Variants in CAMTA1 observed in about 807,000 individuals in gnomAD.
CAMTA1 encodes calmodulin binding transcription activator 1, also known as calmodulin-binding transcription activator 1.
Under a neutral mutation model 170.9 loss-of-function variants are expected in CAMTA1, and 27 were observed. The observed-to-expected ratio is 0.16, with a 90% CI of 0.12 to 0.22. The LOEUF is 0.22. CAMTA1 is among the 10% of genes least tolerant of loss of function. CAMTA1 has a pLI of 1.00. For missense variants in CAMTA1, 1,619 were observed against 2,217.2 expected, an observed-to-expected ratio of 0.73 and a Z score of 5.42; for synonymous variants, 833 against 891.5, an observed-to-expected ratio of 0.93 and a Z score of 1.17.
chr1:7,687,263 C>T (rs546052340), intron 11 of CAMTA1, among the ~76,000 whole-genome samples: 82 of 151,464 alleles, frequency 5.4e-4, no homozygotes, highest in African/African-American at 2.0e-3. Flanking sequence ...GCCAGTGCAA[C>T]GGAGGGAAAC....
chr1:6,924,574 C>T (rs887851324), intron 3 of CAMTA1, among the ~76,000 whole-genome samples: 1 of 152,152 alleles, frequency 6.6e-6, no homozygotes, highest in Non-Finnish European at 1.5e-5. Flanking sequence ...GATCTGGGTC[C>T]CTGTGAGGAG....
At chr1:7,372,243 CCTT>C (rs372827182) in intron 5 of CAMTA1, among the ~76,000 whole-genome samples, 17 of 152,330 alleles carry the variant, frequency 1.1e-4, no homozygotes, top group East Asian at 9.6e-4. Context: ...AAGCTGCTCT[CCTT>C]CGTGCAATAT....
intron 1 of CAMTA1, among the ~76,000 whole-genome samples, chr1:6,796,919 A>G (rs1642663047): frequency 6.6e-6 from 1 of 152,024 alleles, no homozygotes; most frequent in Non-Finnish European, 1.5e-5. Flanking sequence ...TTCGTGGGGG[A>G]TTTGCTGACT....
chr1:6,785,589 C>G lies in CAMTA1; in HGVS notation c.45+14C>G, dbSNP rs1407490292. The G allele has an allele frequency of 7.7e-6, 8 of 1,036,206 alleles. No homozygotes were observed. In the Admixed American group the frequency reaches 2.5e-4, roughly 33 times the overall value. The allele number at this position is 1,036,206 out of a possible 1,614,324, so 64.2% of individuals were successfully genotyped here. On this transcript the variant is annotated intron_variant, in intron 1 of 22. Coordinates refer to ENST00000303635, the MANE Select transcript of CAMTA1 (RefSeq NM_015215.4). The stretch of plus-strand genomic sequence containing the variant: ...ACAAGCCGGAAGGTAAGAGCCGGAG[C>G]GCGAGGGGCTGGGGGGCGGCGCGGC...
intron 4 of CAMTA1, among the ~76,000 whole-genome samples, chr1:7,148,225 G>GCA (rs1293538651): frequency 1.4e-5 from 2 of 144,112 alleles, no homozygotes; most frequent in Non-Finnish European, 3.0e-5. Flanking sequence ...CATACATCAT[G>GCA]CACACACACA....
intron 3 of CAMTA1, among the ~76,000 whole-genome samples, chr1:6,892,957 AAAC>A (rs1212249827): frequency 6.6e-6 from 1 of 151,988 alleles, no homozygotes; most frequent in African/African-American, 2.4e-5. Flanking sequence ...AGAAATAAAG[AAAC>A]AGCCTCATTA....
At chr1:7,421,340 G>C (rs2091548004) in intron 5 of CAMTA1, among the ~76,000 whole-genome samples, 1 of 152,030 alleles carries the variant, frequency 6.6e-6, no homozygotes, top group South Asian at 2.1e-4. Context: ...TTTTAGTAGA[G>C]ACGGGGTCTT....
chr1:7,084,616 A>T (rs1054980733), intron 3 of CAMTA1, among the ~76,000 whole-genome samples: 6 of 152,196 alleles, frequency 3.9e-5, no homozygotes, highest in African/African-American at 1.4e-4. Context: ...CTCTCCTTGA[A>T]GCGTGTGCTA....
At chr1:6,935,080 G>T (rs1685080789) in intron 3 of CAMTA1, among the ~76,000 whole-genome samples, 1 of 152,178 alleles carries the variant, frequency 6.6e-6, no homozygotes, top group Non-Finnish European at 1.5e-5. Context: ...TTCATAAAAA[G>T]AAATTGTGGT....
At chr1:7,053,575 C>T (rs1397294356) in intron 3 of CAMTA1, among the ~76,000 whole-genome samples, 2 of 152,180 alleles carry the variant, frequency 1.3e-5, no homozygotes, top group Non-Finnish European at 2.9e-5. Context: ...CTCACTGTGA[C>T]AGGATCTGCA....
intron 6 of CAMTA1, among the ~76,000 whole-genome samples, chr1:7,506,609 C>A (rs1479756801): frequency 6.6e-6 from 1 of 151,810 alleles, no homozygotes; most frequent in African/African-American, 2.4e-5. Context: ...TCAAAAGTCA[C>A]ACTCTCATAC....
intron 5 of CAMTA1, among the ~76,000 whole-genome samples, chr1:7,424,469 G>T (rs377344622): frequency 6.6e-6 from 1 of 150,958 alleles, no homozygotes; most frequent in Non-Finnish European, 1.5e-5. Flanking sequence ...TGGGGGTGGG[G>T]GACAGCTAGG....
intron 4 of CAMTA1, among the ~76,000 whole-genome samples, chr1:7,230,435 C>CCG (rs1662538867): frequency 1.4e-5 from 1 of 72,850 alleles, no homozygotes; most frequent in African/African-American, 6.7e-5. Flanking sequence ...TGGGCTGACC[C>CCG]CCCCCCCCCG....
At chr1:6,866,433 T>C (rs1235640788) in intron 3 of CAMTA1, among the ~76,000 whole-genome samples, 1 of 152,176 alleles carries the variant, frequency 6.6e-6, no homozygotes, top group African/African-American at 2.4e-5. Context: ...GCCTGGCTAG[T>C]AAGTTTAAAA....
chr1:7,207,868 C>T (rs1053332382), intron 4 of CAMTA1, among the ~76,000 whole-genome samples: 1 of 152,218 alleles, frequency 6.6e-6, no homozygotes, highest in African/African-American at 2.4e-5. Flanking sequence ...AAGCTAAGTG[C>T]CCACTCACCT....
In CAMTA1 at chr1:7,650,276, C is replaced by T. The variant is rs186323389; in HGVS notation, c.664+9723C>T. On this transcript the variant is annotated intron_variant, in intron 7 of 22. Coordinates refer to ENST00000303635, the MANE Select transcript of CAMTA1 (RefSeq NM_015215.4). ...CGCTTCGCACATCAGGAGAAGATTCCGAGAGCCTCAGGATGGCTCTAAAGT... is the reference window on the plus strand; with the variant it reads ...CGCTTCGCACATCAGGAGAAGATTCTGAGAGCCTCAGGATGGCTCTAAAGT... 2.6e-4 allele frequency among the ~76,000 whole-genome samples: 40 copies of T among 152,338 alleles called. No individual in the cohort carries two copies. In the Middle Eastern group the frequency reaches 0.01, roughly 39 times the overall value.
Position 7,680,151 on chromosome 1 carries a change from T to C in CAMTA1, c.2914+2418T>C, listed in dbSNP as rs976638155. On this transcript the variant is annotated intron_variant, in intron 11 of 22. Coordinates refer to ENST00000303635, the MANE Select transcript of CAMTA1 (RefSeq NM_015215.4). The surrounding 1 kb of genome is among the most constrained non-coding windows in gnomAD (Gnocchi z 4.4). The stretch of plus-strand genomic sequence containing the variant: ...CGGGAGCGCGGGGGTCCCGGGCCTC[T>C]GGCCAGCCACGGGGCCTGGCCATGA... 1.0e-5 allele frequency: 2 copies of C among 198,528 alleles called. No homozygotes were observed. The highest frequency in any genetic ancestry group is 2.2e-5 in the Non-Finnish European group (2 of 90,888). 12.3% of individuals were successfully genotyped at this position (198,528 alleles called of 1,614,324 possible).
At chr1:7,759,592 A>T (rs143271545) in intron 22 of CAMTA1, among the ~76,000 whole-genome samples, 281 of 152,256 alleles carry the variant, frequency 1.8e-3, no homozygotes, top group African/African-American at 6.2e-3. Flanking sequence ...ACACAAAGAG[A>T]TTATTTAAAT....
intron 4 of CAMTA1, among the ~76,000 whole-genome samples, chr1:7,141,112 C>G (rs1447101928): frequency 6.6e-6 from 1 of 152,102 alleles, no homozygotes; most frequent in Non-Finnish European, 1.5e-5. Flanking sequence ...AAGGGTAGCT[C>G]CCTCTGTATA....
Sources: gnomAD v4.1 joint callset for allele counts (sites outside exome capture counted in the v4.1 genomes callset) on GRCh38, gnomAD v4.1.1 for gene constraint, Gnocchi (gnomAD v3.1) non-coding constraint, MANE v1.5 for transcripts, NCBI Gene and HGNC (gene_info 2026-07-23, HGNC 2026-07-21) for gene names.